CFAP299: variants seen among roughly 807,000 people sequenced by gnomAD.
CFAP299 encodes the protein cilia- and flagella-associated protein 299.
Under a neutral mutation model 27.0 loss-of-function variants are expected in CFAP299, and 21 were observed. The observed-to-expected ratio is 0.78, with a 90% confidence interval of 0.55 to 1.12. The LOEUF (loss-of-function observed/expected upper bound fraction) is 1.12, where lower values mean the gene tolerates loss of function less well. Ranked by LOEUF, CFAP299 falls within the 50% of genes most tolerant of loss-of-function variation. The probability of loss-of-function intolerance (pLI) is 0.00; values close to 1 mark genes in which losing one functional copy is unlikely to be tolerated. For missense variants in CFAP299, 310 were observed against 276.6 expected (o/e 1.12, Z -0.86); for synonymous variants, 104 against 98.1 (o/e 1.06, Z -0.36).
intron 2 of CFAP299, among the ~76,000 whole-genome samples, chr4:80,391,502 C>G (rs1161618493): frequency 3.3e-5 from 5 of 152,122 alleles, no homozygotes; most frequent in African/African-American, 1.2e-4. Flanking sequence ...CAGTCACACA[C>G]TGTATAACAA....
At chr4:80,420,693 T>C (rs944011210) in intron 2 of CFAP299, among the ~76,000 whole-genome samples, 4 of 152,206 alleles carry the variant, frequency 2.6e-5, no homozygotes, top group Non-Finnish European at 2.9e-5. Flanking sequence ...GGCTTGTCAA[T>C]ATTTTCTCCC....
At chr4:80,391,743 C>A (rs1725492899) in intron 2 of CFAP299, among the ~76,000 whole-genome samples, 1 of 152,100 alleles carries the variant, frequency 6.6e-6, no homozygotes, top group African/African-American at 2.4e-5. Flanking sequence ...TAAGATGGGA[C>A]TACTGCTTGA....
At chr4:80,421,202 A>G (rs1727271500) in intron 2 of CFAP299, among the ~76,000 whole-genome samples, 1 of 152,106 alleles carries the variant, frequency 6.6e-6, no homozygotes, top group African/African-American at 2.4e-5. Flanking sequence ...TATGATCTGT[A>G]TTTTTCTAAT....
rs139540982 is a variant in CFAP299, at chr4:80,579,646, G to C, written c.243-3447G>C. Among the ~76,000 whole-genome samples, 150 of 152,162 alleles carry C rather than the reference G, an allele frequency of 9.9e-4. 2 individuals are homozygous for C. Among genetic ancestry groups the C allele is most frequent in the African/African-American group, 3.5e-3 (144 of 41,540 alleles). On this transcript the variant is annotated intron_variant, in intron 2 of 5. Coordinates refer to ENST00000358105, the MANE Select transcript of CFAP299 (RefSeq NM_152770.3). ...CTGGCATTTTGTATCTGATAGATCA[G>C]GGATAATTTTGATTTTCTTTGGAAC...
chr4:80,767,453 C>A (rs1443743970), intron 3 of CFAP299, among the ~76,000 whole-genome samples: 7 of 151,878 alleles, frequency 4.6e-5, no homozygotes, highest in Admixed American at 2.0e-4. Context: ...ACTAAAAATA[C>A]AAAAAATTAG....
rs530746734 is a variant in CFAP299, at chr4:80,690,585, A to G, written c.333+107402A>G. ...TTATAGCACTACATGCCCACAAGAG[A>G]AAGCAGGAAAGATCCAAAATTGACA... On this transcript the variant is annotated intron_variant, in intron 3 of 5. Coordinates refer to ENST00000358105, the MANE Select transcript of CFAP299 (RefSeq NM_152770.3). Among the ~76,000 whole-genome samples, 18 of 152,276 alleles carry G rather than the reference A, an allele frequency of 1.2e-4. No homozygotes were observed. The East Asian group carries it at 3.5e-3, about 29-fold the overall frequency.
intron 3 of CFAP299, among the ~76,000 whole-genome samples, chr4:80,681,400 G>T (rs1379048006): frequency 6.6e-6 from 1 of 151,062 alleles, no homozygotes; most frequent in Non-Finnish European, 1.5e-5. Flanking sequence ...GTACACAAGA[G>T]AAATCACTAG....
chr4:80,547,964 T>C (rs1297753232), intron 2 of CFAP299, among the ~76,000 whole-genome samples: 1 of 152,212 alleles, frequency 6.6e-6, no homozygotes, highest in Non-Finnish European at 1.5e-5. Context: ...GAATACAATT[T>C]AGTGATTTCA....
intron 3 of CFAP299, among the ~76,000 whole-genome samples, chr4:80,666,280 G>A (rs1253856712): frequency 6.6e-6 from 1 of 151,956 alleles, no homozygotes; most frequent in Non-Finnish European, 1.5e-5. Context: ...ATTCAGATTT[G>A]CCTATATTCC....
intron 3 of CFAP299, among the ~76,000 whole-genome samples, chr4:80,633,773 T>G (rs1739338913): frequency 6.6e-6 from 1 of 152,122 alleles, no homozygotes; most frequent in Non-Finnish European, 1.5e-5. Context: ...GGAAAATAAT[T>G]TATTGCTTTG....
chr4:80,626,712 A>G (rs557529375), intron 3 of CFAP299, among the ~76,000 whole-genome samples: 49 of 151,842 alleles, frequency 3.2e-4, no homozygotes, highest in Non-Finnish European at 5.3e-4. Context: ...TCAAAGGGCC[A>G]TAAGAGATTA....
chr4:80,747,741 G>A (rs1185736424), intron 3 of CFAP299, among the ~76,000 whole-genome samples: 1 of 151,980 alleles, frequency 6.6e-6, no homozygotes, highest in Non-Finnish European at 1.5e-5. Context: ...TTTGCCAAAT[G>A]TTATGATATC....
At chr4:80,640,261 G>C (rs902150192) in intron 3 of CFAP299, among the ~76,000 whole-genome samples, 1 of 152,132 alleles carries the variant, frequency 6.6e-6, no homozygotes, top group African/African-American at 2.4e-5. Flanking sequence ...TAAGTCGTTA[G>C]GCCTGGCTAG....
At chr4:80,958,045 C>G (rs1455316965) in intron 5 of CFAP299, among the ~76,000 whole-genome samples, 1 of 151,924 alleles carries the variant, frequency 6.6e-6, no homozygotes, top group Middle Eastern at 3.2e-3. Flanking sequence ...CTTTTAAGGC[C>G]CTCTATTATT....
At chr4:80,604,355 T>G (rs1018506665) in intron 3 of CFAP299, among the ~76,000 whole-genome samples, 3 of 152,142 alleles carry the variant, frequency 2.0e-5, no homozygotes, top group African/African-American at 7.2e-5. Context: ...TTTGGCTAGC[T>G]GTCAGTAAGA....
At chr4:80,725,563 G>C (rs918097465) in intron 3 of CFAP299, among the ~76,000 whole-genome samples, 1 of 152,250 alleles carries the variant, frequency 6.6e-6, no homozygotes, top group Admixed American at 6.5e-5. Context: ...CATGTAATTA[G>C]TTAGGCAACT....
At chr4:80,875,284 T>C (rs1331337575) in intron 4 of CFAP299, among the ~76,000 whole-genome samples, 1 of 152,194 alleles carries the variant, frequency 6.6e-6, no homozygotes, top group African/African-American at 2.4e-5. Flanking sequence ...CCTGCACAAT[T>C]GTATGTAAAA....
At chr4:80,447,565 C>G (rs527910776) in intron 2 of CFAP299, among the ~76,000 whole-genome samples, 2 of 152,144 alleles carry the variant, frequency 1.3e-5, no homozygotes, top group South Asian at 2.1e-4. Flanking sequence ...GTAGCGGTTC[C>G]CCTGCCTCAG....
At chr4:80,745,163 A>C (rs1032936669) in intron 3 of CFAP299, among the ~76,000 whole-genome samples, 1 of 152,174 alleles carries the variant, frequency 6.6e-6, no homozygotes, top group Non-Finnish European at 1.5e-5. Flanking sequence ...TTTCTTCGCT[A>C]GGCTTAATAC....
Sources: gnomAD v4.1 joint callset for allele counts (sites outside exome capture counted in the v4.1 genomes callset) on GRCh38, gnomAD v4.1.1 for gene constraint, MANE v1.5 for transcripts, NCBI Gene and HGNC (gene_info 2026-07-23, HGNC 2026-07-21) for gene names.